The following DOCK4 variants were observed in gnomAD, a reference collection of about 807,000 sequenced individuals.
DOCK4 encodes dedicator of cytokinesis 4.
Under a neutral mutation model 268.1 loss-of-function variants are expected in DOCK4, and 97 were observed. The observed-to-expected ratio is 0.36, with a 90% CI of 0.31 to 0.43. The LOEUF is 0.43. DOCK4 is among the 20% of genes least tolerant of loss of function. The probability of loss-of-function intolerance (pLI) is 1.00; values close to 1 mark genes in which losing one functional copy is unlikely to be tolerated. For missense variants in DOCK4, 2,145 were observed against 2,455.7 expected (o/e 0.87, Z 2.67); for synonymous variants, 954 against 887.2 (o/e 1.08, Z -1.34).
intron 35 of DOCK4, among the ~76,000 whole-genome samples, chr7:111,779,927 C>T (rs769119295): frequency 1.3e-5 from 2 of 152,168 alleles, no homozygotes; most frequent in African/African-American, 2.4e-5. Flanking sequence ...ACTATTACTA[C>T]TTATTGTTAC....
intron 8 of DOCK4, among the ~76,000 whole-genome samples, chr7:111,956,637 G>A (rs889047174): frequency 6.6e-6 from 1 of 152,160 alleles, no homozygotes; most frequent in Admixed American, 6.5e-5. Flanking sequence ...TTCATTTACT[G>A]AGCGTGAGAT....
At chr7:111,984,912 G>C (rs919330617) in intron 6 of DOCK4, among the ~76,000 whole-genome samples, 1 of 152,158 alleles carries the variant, frequency 6.6e-6, no homozygotes, top group Non-Finnish European at 1.5e-5. Context: ...GAGGTCAGTC[G>C]TTAGGAGAAA....
intron 4 of DOCK4, among the ~76,000 whole-genome samples, chr7:111,996,717 A>T (rs1799988991): frequency 6.6e-6 from 1 of 152,162 alleles, no homozygotes. Flanking sequence ...AACTTACATG[A>T]CCAAATTTTT....
intron 34 of DOCK4, among the ~76,000 whole-genome samples, chr7:111,783,216 C>T (rs1320445206): frequency 6.6e-6 from 1 of 152,088 alleles, no homozygotes; most frequent in African/African-American, 2.4e-5. Context: ...TGGACATGGG[C>T]TCAGGAAGTT....
At chr7:112,014,776 G>T (rs949581360) in intron 1 of DOCK4, among the ~76,000 whole-genome samples, 1 of 152,128 alleles carries the variant, frequency 6.6e-6, no homozygotes, top group Admixed American at 6.5e-5. Flanking sequence ...GTGGTGGTGT[G>T]TGCCTGTGGT....
intron 47 of DOCK4, chr7:111,739,689 G>A (rs527810226): frequency 1.8e-6 from 1 of 561,684 alleles, no homozygotes; most frequent in Non-Finnish European, 3.2e-6. Context: ...GAATGCCTTC[G>A]TGTTAGATTC....
intron 13 of DOCK4, among the ~76,000 whole-genome samples, chr7:111,912,598 G>C (rs753477987): frequency 3.9e-5 from 6 of 151,974 alleles, no homozygotes; most frequent in Non-Finnish European, 8.8e-5. Context: ...GCAGAAGAGG[G>C]GGAGGAAGAG....
At chr7:111,732,168 C>T (rs1199929915) in intron 52 of DOCK4, 58 bp downstream of exon 52, 8 of 1,558,118 alleles carry the variant, frequency 5.1e-6, no homozygotes, top group African/African-American at 2.7e-5. Context: ...TGGGATGAGT[C>T]TTAGAGAAAA....
intron 1 of DOCK4, among the ~76,000 whole-genome samples, chr7:112,099,185 G>T (rs1489616820): frequency 1.1e-4 from 16 of 151,902 alleles, no homozygotes; most frequent in Admixed American, 1.1e-3. Context: ...CCAACTACTT[G>T]GGAGGCTGAG....
At position 111,935,523 on chromosome 7, in the gene DOCK4, C is replaced by A; in HGVS notation, c.1066+17G>T. ...GAACGAAAAGTGTAGGGAAAGTCAG[C>A]CAGCCCATACACTCACCTGCATTGG... On this transcript the variant is annotated intron_variant, in intron 12 of 52. Coordinates refer to ENST00000428084, the MANE Select transcript of DOCK4 (RefSeq NM_001363540.2). 6.2e-7 allele frequency: 1 copy of A among 1,608,910 alleles called. No homozygotes were observed. Among genetic ancestry groups the A allele is most frequent in the Non-Finnish European group, 8.5e-7 (1 of 1,176,230 alleles).
chr7:111,746,809 CT>C (rs1563445707), intron 43 of DOCK4, among the ~76,000 whole-genome samples: 1 of 106,846 alleles, frequency 9.4e-6, no homozygotes, highest in African/African-American at 3.8e-5. Flanking sequence ...CAAGATCGGT[CT>C]TATCTTTTTT....
rs532624322 is a variant in DOCK4, at chr7:112,069,917, T to C, written c.38-65786A>G. ...GGAAACAAAAGGGCACGTGCAGCCA[T>C]GGGAAGAGAGTTACACAGTACACAA... On this transcript the variant is annotated intron_variant, in intron 1 of 52. Coordinates refer to ENST00000428084, the MANE Select transcript of DOCK4 (RefSeq NM_001363540.2). Among the ~76,000 whole-genome samples the C allele has an allele frequency of 9.2e-5, 14 of 152,112 alleles. 2 individuals are homozygous for C. Among genetic ancestry groups the C allele is most frequent in the African/African-American group, 2.9e-4 (12 of 41,492 alleles).
chr7:111,921,234 A>C (rs1050315566), intron 12 of DOCK4, among the ~76,000 whole-genome samples: 1 of 152,160 alleles, frequency 6.6e-6, no homozygotes, highest in African/African-American at 2.4e-5. Context: ...CATAGTCATT[A>C]ATCTGGAGTC....
intron 2 of DOCK4, among the ~76,000 whole-genome samples, chr7:112,002,205 G>A (rs1800481844): frequency 1.3e-5 from 2 of 152,098 alleles, no homozygotes; most frequent in South Asian, 2.1e-4. Context: ...AGAGCAGAAT[G>A]AACTGAAAAT....
intron 8 of DOCK4, among the ~76,000 whole-genome samples, chr7:111,974,012 CAGGTGGGATGA>C (rs937424480): frequency 1.3e-4 from 20 of 152,050 alleles, no homozygotes; most frequent in Admixed American, 5.9e-4. Context: ...TTACCTACAC[CAGGTGGGATGA>C]AGGCAGCAAG....
chr7:112,184,491 A>G (rs1819321025), intron 1 of DOCK4, among the ~76,000 whole-genome samples: 1 of 152,202 alleles, frequency 6.6e-6, no homozygotes, highest in Non-Finnish European at 1.5e-5. Context: ...GAGGTTTAAT[A>G]GTGCATATTC....
At chr7:111,906,371 A>G (rs1791568735) in intron 13 of DOCK4, among the ~76,000 whole-genome samples, 2 of 152,156 alleles carry the variant, frequency 1.3e-5, no homozygotes, top group South Asian at 4.1e-4. Flanking sequence ...TGAATTTTAA[A>G]ATGTTGAAGT....
Position 111,741,102 on chromosome 7 carries a change from TA to T in DOCK4, c.5031del (p.Phe1677LeufsTer12). On this transcript the variant is annotated frameshift_variant, in exon 47 of 53. Coordinates refer to ENST00000428084, the MANE Select transcript of DOCK4 (RefSeq NM_001363540.2). LOFTEE classifies it high-confidence loss of function. Reference sequence around the variant, plus strand: ...AAAAGCTAATTAAGTACCTGCATGTTAAAGACTTCATCAGAGCTTTCTGATT... The same window carrying T: ...AAAAGCTAATTAAGTACCTGCATGTTAAGACTTCATCAGAGCTTTCTGATT... ...TGQSESSDEVFNMQPSPSTSS... is the reference protein window; with the variant it reads ...TGQSESSDEVXNMQPSPSTSS... 1 of 1,613,800 alleles carries T rather than the reference TA, an allele frequency of 6.2e-7. No individual in the cohort carries two copies. The highest frequency in any genetic ancestry group is 2.2e-5 in the East Asian group (1 of 44,876).
chr7:111,995,894 A>G (rs1799918409), intron 4 of DOCK4, among the ~76,000 whole-genome samples: 1 of 152,238 alleles, frequency 6.6e-6, no homozygotes, highest in Non-Finnish European at 1.5e-5. Context: ...AACTAGAAAT[A>G]AAAGTAAACA....
Sources: allele counts gnomAD v4.1 joint callset (sites outside exome capture counted in the v4.1 genomes callset), GRCh38; gene constraint gnomAD v4.1.1; transcripts MANE v1.5; gene names NCBI Gene and HGNC (gene_info 2026-07-23, HGNC 2026-07-21).